Variants in RGS7 observed in about 807,000 individuals in gnomAD.
RGS7 encodes the protein regulator of G-protein signaling 7.
A neutral mutation model predicts 81.1 loss-of-function variants in RGS7; 27 were observed. The observed-to-expected ratio is 0.33, with a 90% CI of 0.25 to 0.46. RGS7 has a LOEUF of 0.46. Ranked by LOEUF, RGS7 falls within the 20% of genes least tolerant of loss-of-function variation. The pLI, the probability that RGS7 is intolerant of heterozygous loss-of-function variation, is 1.00. For missense variants in RGS7, 396 were observed against 607.4 expected (o/e 0.65, Z 3.66); for synonymous variants, 208 against 207.7 (o/e 1.00, Z -0.01).
chr1:240,856,491 G>A (rs1178682091), intron 9 of RGS7, among the ~76,000 whole-genome samples: 1 of 151,966 alleles, frequency 6.6e-6, no homozygotes. Context: ...ATTTTTTTCA[G>A]TGAAAATCAA....
chr1:240,955,265 C>T (rs112145085), intron 4 of RGS7, among the ~76,000 whole-genome samples: 5,250 of 152,028 alleles, frequency 0.035, 299 homozygotes, highest in African/African-American at 0.12. Context: ...GAAAAAGATC[C>T]AGAATAACCG....
chr1:241,078,716 A>G (rs1217618683), intron 3 of RGS7, among the ~76,000 whole-genome samples: 1 of 152,206 alleles, frequency 6.6e-6, no homozygotes, highest in Non-Finnish European at 1.5e-5. Flanking sequence ...ATAAATATAT[A>G]AATTAATACA....
At chr1:241,021,453 C>T (rs1291114955) in intron 3 of RGS7, among the ~76,000 whole-genome samples, 1 of 152,206 alleles carries the variant, frequency 6.6e-6, no homozygotes, top group East Asian at 1.9e-4. Flanking sequence ...TGAGCATTTA[C>T]ATGACATTTA....
intron 2 of RGS7, among the ~76,000 whole-genome samples, chr1:241,101,808 G>C (rs2064761354): frequency 6.6e-6 from 1 of 152,140 alleles, no homozygotes; most frequent in South Asian, 2.1e-4. Context: ...TGGATTAGAG[G>C]GACATGGAAA....
intron 2 of RGS7, among the ~76,000 whole-genome samples, chr1:241,110,095 CT>C (rs761692286): frequency 8.5e-5 from 13 of 152,196 alleles, no homozygotes; most frequent in Non-Finnish European, 1.8e-4. Flanking sequence ...ACAATATACT[CT>C]CTGTAAACAT....
In RGS7 at chr1:240,793,611, A is replaced by ATATATATTTTTTTTTTTTTTT; in HGVS notation, c.*6+7029_*6+7030insAAAAAAAAAAAAAAATATATA. Among the ~76,000 whole-genome samples, 20 of 78,800 alleles carry ATATATATTTTTTTTTTTTTTT rather than the reference A, an allele frequency of 2.5e-4. 1 individual carries two copies. The highest frequency in any genetic ancestry group is 1.7e-3 in the African/African-American group (18 of 10,294). The allele number at this position is 78,800 out of a possible 152,430, so 51.7% of individuals were successfully genotyped here. ...AATATATATATATATATATATATAT[A>ATATATATTTTTTTTTTTTTTT]TTTTTTTTTTTTTTTTGAGACAGAG... On this transcript the variant is annotated intron_variant, in intron 18 of 18. Transcript: ENST00000440928.
intron 6 of RGS7, among the ~76,000 whole-genome samples, chr1:240,885,735 G>A (rs1014598256): frequency 1.6e-4 from 24 of 152,174 alleles, no homozygotes; most frequent in African/African-American, 5.8e-4. Flanking sequence ...AACAGACACT[G>A]GGATCTACTT....
intron 9 of RGS7, among the ~76,000 whole-genome samples, chr1:240,842,255 G>A (rs902244795): frequency 5.5e-5 from 7 of 127,756 alleles, no homozygotes; most frequent in African/African-American, 2.1e-4. Flanking sequence ...CTGGAGTGCA[G>A]TGGCAAGATC....
intron 9 of RGS7, among the ~76,000 whole-genome samples, chr1:240,855,677 T>C (rs1660978502): frequency 6.6e-6 from 1 of 152,200 alleles, no homozygotes; most frequent in South Asian, 2.1e-4. Context: ...CGATTTCAAA[T>C]GTTAGCTACC....
intron 3 of RGS7, among the ~76,000 whole-genome samples, chr1:241,089,021 A>ATCTCTCTCTCTCTCTCTCTCTCTCTC (rs1158514403): frequency 1.3e-4 from 3 of 23,656 alleles, no homozygotes; most frequent in African/African-American, 2.7e-4. Flanking sequence ...GCAAGACTCC[A>ATCTCTCTCTCTCTCTCTCTCTCTCTC]TCTCTCTCTC....
intron 3 of RGS7, among the ~76,000 whole-genome samples, chr1:241,095,995 A>G (rs1022971650): frequency 6.6e-6 from 1 of 152,192 alleles, no homozygotes; most frequent in African/African-American, 2.4e-5. Flanking sequence ...AGAAAGTTAG[A>G]TTTACAACAT....
rs1663757007 is a variant in RGS7 at position 240,868,137 on chromosome 1, A to AAGAAAAG, written c.609+449_609+450insCTTTTCT. On this transcript the variant is annotated intron_variant, in intron 9 of 18. Transcript: ENST00000440928. The surrounding 1 kb of genome is among the most constrained non-coding windows in gnomAD (Gnocchi z 5.1). ...GAAAAGGAAAGAAAGAAAGAAAGAA[A>AAGAAAAG]GAAAGAAAGAAAGAAAGAAAGGACG... is the stretch of plus-strand genomic sequence containing the variant. Among the ~76,000 whole-genome samples, 2 of 119,796 alleles carry AAGAAAAG rather than the reference A, an allele frequency of 1.7e-5. No individual in the cohort carries two copies. The highest frequency in any genetic ancestry group is 9.8e-5 in the African/African-American group (2 of 20,376). 78.6% of individuals were successfully genotyped at this position (119,796 alleles called of 152,430 possible). A position where few individuals can be genotyped will look rare whatever the true frequency, so the allele number is the denominator to read the frequency against.
chr1:241,060,871 C>T (rs188871300), intron 3 of RGS7, among the ~76,000 whole-genome samples: 135 of 152,272 alleles, frequency 8.9e-4, no homozygotes, highest in Middle Eastern at 6.8e-3. Flanking sequence ...AAAGAAACAC[C>T]TTGTAACTGA....
At chr1:241,046,234 T>A (rs556851039) in intron 3 of RGS7, among the ~76,000 whole-genome samples, 1 of 152,266 alleles carries the variant, frequency 6.6e-6, no homozygotes, top group African/African-American at 2.4e-5. Context: ...ACACTGAGGT[T>A]TGGGGTACAA....
At chr1:240,872,947 C>T (rs998628027) in intron 6 of RGS7, among the ~76,000 whole-genome samples, 10 of 152,014 alleles carry the variant, frequency 6.6e-5, no homozygotes, top group Non-Finnish European at 1.2e-4. Context: ...AGCATGGTGG[C>T]AGGCGCCTGT....
intron 2 of RGS7, among the ~76,000 whole-genome samples, chr1:241,263,694 C>T (rs1013246862): frequency 3.3e-5 from 5 of 152,150 alleles, no homozygotes; most frequent in African/African-American, 1.2e-4. Context: ...TGCATGAAAA[C>T]ATCAAATTGG....
chr1:241,303,205 G>A (rs540931405), intron 2 of RGS7, among the ~76,000 whole-genome samples: 1 of 150,150 alleles, frequency 6.7e-6, no homozygotes, highest in African/African-American at 2.4e-5. Flanking sequence ...GGAGGTGATT[G>A]GTCCATGGGG....
intron 2 of RGS7, among the ~76,000 whole-genome samples, chr1:241,137,903 G>A (rs1283727348): frequency 6.6e-6 from 1 of 152,174 alleles, no homozygotes; most frequent in Admixed American, 6.5e-5. Context: ...GGGCACCGTG[G>A]CTCACGCCTG....
intron 2 of RGS7, among the ~76,000 whole-genome samples, chr1:241,278,694 T>G (rs1239410962): frequency 2.0e-5 from 3 of 152,160 alleles, no homozygotes; most frequent in African/African-American, 7.2e-5. Flanking sequence ...AATGGGTGGT[T>G]GTTTTGCCCC....
Sources: gnomAD v4.1 joint callset for allele counts (sites outside exome capture counted in the v4.1 genomes callset) on GRCh38, gnomAD v4.1.1 for gene constraint, Gnocchi (gnomAD v3.1) non-coding constraint, MANE v1.5 for transcripts, NCBI Gene and HGNC (gene_info 2026-07-23, HGNC 2026-07-21) for gene names.